CTNNA2: variants seen among roughly 807,000 people sequenced by gnomAD.
CTNNA2 encodes catenin alpha 2.
Under a neutral mutation model 101.0 loss-of-function variants are expected in CTNNA2, and 42 were observed. That is an observed-to-expected ratio of 0.42 (90% confidence interval 0.32 to 0.54). The LOEUF (loss-of-function observed/expected upper bound fraction) is 0.54, where lower values mean the gene tolerates loss of function less well. Among genes scored for constraint, CTNNA2 ranks in the 20% least tolerant of loss-of-function variants. CTNNA2 has a pLI of 0.14. For synonymous variants in CTNNA2, 450 were observed against 456.4 expected (o/e 0.99, Z 0.18); for missense variants, 871 against 1,223.1 (o/e 0.71, Z 4.29).
intron 1 of CTNNA2, among the ~76,000 whole-genome samples, chr2:79,596,588 C>T (rs1677204334): frequency 6.6e-6 from 1 of 152,178 alleles, no homozygotes; most frequent in South Asian, 2.1e-4. Flanking sequence ...AAAGCCTGAG[C>T]AGCGCAGATT....
At chr2:80,309,136 G>T (rs1354127550) in intron 7 of CTNNA2, among the ~76,000 whole-genome samples, 1 of 151,974 alleles carries the variant, frequency 6.6e-6, no homozygotes, top group African/African-American at 2.4e-5. Flanking sequence ...AGAAAGAAAA[G>T]AAAGAAATGC....
At chr2:79,985,203 C>A (rs116708278) in intron 7 of CTNNA2, among the ~76,000 whole-genome samples, 2,647 of 152,224 alleles carry the variant, frequency 0.017, 92 homozygotes, top group African/African-American at 0.06. Context: ...TCTGACCCCC[C>A]GTAGATAACT....
intron 18 of CTNNA2, among the ~76,000 whole-genome samples, chr2:80,636,968 T>C (rs1183931890): frequency 6.6e-6 from 1 of 152,168 alleles, no homozygotes; most frequent in African/African-American, 2.4e-5. Flanking sequence ...ATTTTCCTAT[T>C]CCCCTCATGA....
chr2:80,208,347 G>GGATA (rs1707661707), intron 7 of CTNNA2, among the ~76,000 whole-genome samples: 1 of 152,090 alleles, frequency 6.6e-6, no homozygotes, highest in South Asian at 2.1e-4. Context: ...ATAGATGGGT[G>GGATA]GATAGATAGA....
intron 3 of CTNNA2, among the ~76,000 whole-genome samples, chr2:79,748,614 TCTTTTGAAGTTTCAC>T (rs1671795584): frequency 6.6e-6 from 1 of 152,144 alleles, no homozygotes; most frequent in South Asian, 2.1e-4. Flanking sequence ...GTTTTGTTTT[TCTTTTGAAGTTTCAC>T]AACATTCATT....
intron 2 of CTNNA2, among the ~76,000 whole-genome samples, chr2:79,247,961 C>T (rs1416029551): frequency 6.6e-6 from 1 of 152,196 alleles, no homozygotes; most frequent in Non-Finnish European, 1.5e-5. Flanking sequence ...AAAGTAATTT[C>T]ATAGTTCTGG....
At chr2:79,872,162 ATAT>A (rs1558599535) in intron 5 of CTNNA2, among the ~76,000 whole-genome samples, 2 of 152,164 alleles carry the variant, frequency 1.3e-5, no homozygotes, top group South Asian at 2.1e-4. Flanking sequence ...TATCTTATAA[ATAT>A]TATTCATGTT....
At chr2:79,687,624 G>A (rs1486726362) in intron 2 of CTNNA2, 2 of 682,122 alleles carry the variant, frequency 2.9e-6, no homozygotes, top group Non-Finnish European at 2.7e-6. Flanking sequence ...ATTGCTGACT[G>A]TCATCTTGAA....
chr2:80,176,309 A>G (rs918300846), intron 7 of CTNNA2, among the ~76,000 whole-genome samples: 5 of 152,212 alleles, frequency 3.3e-5, no homozygotes, highest in Non-Finnish European at 5.9e-5. Context: ...CAACACTGAA[A>G]TGCTGATATG....
chr2:79,324,537 A>G (rs926992528), intron 3 of CTNNA2, among the ~76,000 whole-genome samples: 1 of 152,208 alleles, frequency 6.6e-6, no homozygotes, highest in Non-Finnish European at 1.5e-5. Context: ...AAGTCAAGAC[A>G]GGACAGTTAA....
intron 6 of CTNNA2, among the ~76,000 whole-genome samples, chr2:79,887,070 G>C (rs1443992154): frequency 6.6e-6 from 1 of 152,092 alleles, no homozygotes; most frequent in African/African-American, 2.4e-5. Flanking sequence ...GCCCAACTCA[G>C]CTTCCCAAAA....
chr2:79,635,305 G>A lies in CTNNA2; in HGVS notation c.-5-16247G>A, dbSNP rs1423224212. On this transcript the variant is annotated intron_variant, in intron 1 of 18. Coordinates refer to ENST00000402739, the MANE Select transcript of CTNNA2 (RefSeq NM_001282597.3). ...AAATTAGCCGGGCGCGGTGGTGGGC[G>A]CCTGTAGTCCCAGCTACTCGGGAGG... Among the ~76,000 whole-genome samples, 10 of 151,888 alleles carry A rather than the reference G, an allele frequency of 6.6e-5. No homozygotes were observed. In the East Asian group the frequency reaches 8.0e-4, roughly 12 times the overall value.
At chr2:79,512,885 G>A (rs1671596644), upstream of CTNNA2, 2 of 151,336 alleles carry the variant, frequency 1.3e-5, no homozygotes, top group South Asian at 2.1e-4. Flanking sequence ...GGGGACCGCG[G>A]GGGCGCGCGA....
intron 2 of CTNNA2, among the ~76,000 whole-genome samples, chr2:79,273,247 G>T (rs1675130103): frequency 6.6e-6 from 1 of 151,952 alleles, no homozygotes; most frequent in Non-Finnish European, 1.5e-5. Context: ...TATCAGATAG[G>T]CATTATTATC....
chr2:79,968,934 G>T (rs994143510), intron 7 of CTNNA2, among the ~76,000 whole-genome samples: 1 of 151,876 alleles, frequency 6.6e-6, no homozygotes, highest in African/African-American at 2.4e-5. Flanking sequence ...TTGTGTTAAA[G>T]AAACTGTTGA....
chr2:79,589,372 T>G (rs1460018169), intron 1 of CTNNA2, among the ~76,000 whole-genome samples: 5 of 152,162 alleles, frequency 3.3e-5, no homozygotes, highest in Non-Finnish European at 7.3e-5. Flanking sequence ...AATTGGTCAG[T>G]TTTCTTCATT....
At chr2:80,278,141 T>A (rs1313591425) in intron 7 of CTNNA2, among the ~76,000 whole-genome samples, 4 of 152,086 alleles carry the variant, frequency 2.6e-5, no homozygotes, top group African/African-American at 9.7e-5. Flanking sequence ...TATTAATAAT[T>A]CCCTCATAGA....
chr2:80,144,816 A>T (rs1558849481), intron 7 of CTNNA2, among the ~76,000 whole-genome samples: 1 of 152,294 alleles, frequency 6.6e-6, no homozygotes, highest in East Asian at 1.9e-4. Flanking sequence ...TTTATGGAAT[A>T]CTTACTCTAT....
At chr2:79,535,324 C>G (rs911472312) in intron 1 of CTNNA2, among the ~76,000 whole-genome samples, 1 of 152,020 alleles carries the variant, frequency 6.6e-6, no homozygotes, top group Non-Finnish European at 1.5e-5. Flanking sequence ...CCTGCCTCAG[C>G]CTCCGGAGTA....
Sources: gnomAD v4.1 joint callset for allele counts (sites outside exome capture counted in the v4.1 genomes callset) on GRCh38, gnomAD v4.1.1 for gene constraint, MANE v1.5 for transcripts, NCBI Gene and HGNC (gene_info 2026-07-23, HGNC 2026-07-21) for gene names.